The following IPO13 variants were observed in gnomAD, a reference collection of about 807,000 sequenced individuals.
The protein encoded by IPO13 is importin 13, also known as importin-13.
IPO13 carries 28 observed loss-of-function variants against 115.5 expected under a neutral mutation model. The ratio of observed to expected loss-of-function variants is 0.24; its 90% CI spans 0.18 to 0.33. IPO13 has a LOEUF of 0.33. Among genes scored for constraint, IPO13 ranks in the 10% least tolerant of loss-of-function variants. The probability of loss-of-function intolerance (pLI) is 1.00; values close to 1 mark genes in which losing one functional copy is unlikely to be tolerated. For missense variants in IPO13, 785 were observed against 1,204.6 expected, an observed-to-expected ratio of 0.65 and a Z score of 5.16; for synonymous variants, 414 against 478.9, an observed-to-expected ratio of 0.86 and a Z score of 1.77.
rs1264229667 is a variant in IPO13, at chr1:43,957,565, C to T, written c.1540+16C>T. ...TTCACCATTGGTGAGACCTGGCACA[C>T]ACCCATGACCATATTCCCAGAGCCA... On this transcript the variant is annotated intron_variant, in intron 7 of 19. Coordinates refer to ENST00000372343, the MANE Select transcript of IPO13 (RefSeq NM_014652.4). 1.9e-6 allele frequency: 3 copies of T among 1,613,366 alleles called. No homozygotes were observed. The African/African-American group carries it at 4.0e-5, about 22-fold the overall frequency.
Position 43,966,522 on chromosome 1 carries a change from G to T in IPO13, c.2398-53G>T. 2 of 1,577,154 alleles carry T rather than the reference G, an allele frequency of 1.3e-6. No homozygotes were observed. The highest frequency in any genetic ancestry group is 1.7e-6 in the Non-Finnish European group (2 of 1,146,906). ...GGCTGGGGTGGCAGGTGAGTGGGGG[G>T]GATGGTCCTTGGAGCTGGCTGGGGC... On this transcript the variant is annotated intron_variant, in intron 15 of 19. Transcript: ENST00000372343. The surrounding 1 kb of genome is among the most constrained non-coding windows in gnomAD (Gnocchi z 4.1).
rs2154302478 is a variant in IPO13 at position 43,966,617 on chromosome 1, G to C, written c.2440G>C (p.Asp814His). 6.2e-7 allele frequency: 1 copy of C among 1,614,212 alleles called. No homozygotes were observed. Among genetic ancestry groups the C allele is most frequent in the Non-Finnish European group, 8.5e-7 (1 of 1,180,016 alleles). ...KPDLFLCERL[D>H]VKAVFQCAVL... ...AGATTTGTTCCTGTGTGAACGATTG[G>C]ATGTCAAAGCTGTGTTCCAGTGTGG... The change falls in exon 16 of 20, where the codon GAT becomes CAT. Residue 814 changes from aspartate (D) to histidine (H), a missense_variant. Coordinates refer to ENST00000372343, the MANE Select transcript of IPO13 (RefSeq NM_014652.4). This position sits in a 1 kb window ranked among gnomAD's most constrained non-coding sequence, Gnocchi z 4.1.
At chr1:43,957,905 T>A in intron 7 of IPO13, 72 bp from the exon 8 acceptor site, 3 of 1,456,898 alleles carry the variant, frequency 2.1e-6, no homozygotes, top group Non-Finnish European at 2.9e-6. Flanking sequence ...GGAACTCTGC[T>A]TGCCTCAGAG....
chr1:43,967,465 C>T lies in IPO13; in HGVS notation c.2764C>T (p.Gln922Ter). 2 of 1,614,172 alleles carry T rather than the reference C, an allele frequency of 1.2e-6. No homozygotes were observed. The highest frequency in any genetic ancestry group is 1.7e-6 in the Non-Finnish European group (2 of 1,180,008). The change falls in exon 19 of 20, where the codon CAG becomes TAG. Residue 922 changes from glutamine to a stop codon, truncating the protein, a stop_gained. Coordinates refer to ENST00000372343, the MANE Select transcript of IPO13 (RefSeq NM_014652.4). LOFTEE classifies it high-confidence loss of function. The surrounding 1 kb of genome is among the most constrained non-coding windows in gnomAD (Gnocchi z 6.1). ...GFPSARLSPE[Q>*]KDTFSQQILR... ...CCCCTCTGCCCGCCTCAGCCCTGAA[C>T]AGAAGGATACCTTCAGCCAGCAGAT...
In IPO13 at chr1:43,956,659, G is replaced by A. The variant is rs200986311; in HGVS notation, c.1062G>A (p.Glu354=). 3.7e-6 allele frequency: 6 copies of A among 1,614,202 alleles called. No individual in the cohort carries two copies. Among genetic ancestry groups the A allele is most frequent in the Non-Finnish European group, 5.1e-6 (6 of 1,180,038 alleles). The change falls in exon 4 of 20, where the codon GAG becomes GAA. Residue 354 remains glutamate (E), a synonymous_variant. Coordinates refer to ENST00000372343, the MANE Select transcript of IPO13 (RefSeq NM_014652.4). This position sits in a 1 kb window ranked among gnomAD's most constrained non-coding sequence, Gnocchi z 4.7. The stretch of plus-strand genomic sequence containing the variant: ...TCCCTGGCCACTATCCTGTCAATGA[G>A]ACCACCAGCTCCCTAACCCTCACCT... The part of the protein sequence containing the change: ...TGIPGHYPVN[E]TTSSLTLTFW...
chr1:43,965,394 C>T (rs1480210482), intron 15 of IPO13, among the ~76,000 whole-genome samples: 1 of 151,946 alleles, frequency 6.6e-6, no homozygotes, highest in East Asian at 1.9e-4. Context: ...ACAGTTCTTG[C>T]TCTCCTGGAA....
chr1:43,953,255 A>G (rs2085221323), intron 2 of IPO13: 1 of 152,214 alleles, frequency 6.6e-6, no homozygotes, highest in African/African-American at 2.4e-5. Context: ...GCTCCGTGTG[A>G]GCAGCAGCAG....
Position 43,956,637 on chromosome 1 carries a change from C to G in IPO13, c.1040C>G (p.Pro347Arg). The G allele has an allele frequency of 6.2e-7, 1 of 1,614,220 alleles. No homozygotes were observed. Among genetic ancestry groups the G allele is most frequent in the South Asian group, 1.1e-5 (1 of 91,086 alleles). The stretch of plus-strand genomic sequence containing the variant: ...ATGATTATGTTCTGCACAGGCATCC[C>G]TGGCCACTATCCTGTCAATGAGACC... ...VNMIMFCTGI[P>R]GHYPVNETTS... Residue 347 changes from proline to arginine, a missense_variant, in exon 4 of 20, where the codon CCT becomes CGT. Pro to Arg is a moderately radical substitution (Grantham distance 103). Coordinates refer to ENST00000372343, the MANE Select transcript of IPO13 (RefSeq NM_014652.4). This position sits in a 1 kb window ranked among gnomAD's most constrained non-coding sequence, Gnocchi z 4.7.
intron 13 of IPO13, 74 bp downstream of exon 13, chr1:43,961,087 C>T (rs1316285617): frequency 1.2e-6 from 2 of 1,608,794 alleles, no homozygotes; most frequent in Non-Finnish European, 8.5e-7. Flanking sequence ...GGCTGGGGTC[C>T]CCACTTGCAT....
chr1:43,967,293 G>A lies in IPO13; in HGVS notation c.2614-22G>A. 6.2e-7 allele frequency: 1 copy of A among 1,607,718 alleles called. No individual in the cohort carries two copies. The highest frequency in any genetic ancestry group is 8.5e-7 in the Non-Finnish European group (1 of 1,175,294). On this transcript the variant is annotated intron_variant, in intron 18 of 19. Transcript: ENST00000372343. The surrounding 1 kb of genome is among the most constrained non-coding windows in gnomAD (Gnocchi z 6.1). ...GGCGGAAGGGGCAACACCCTGGTGTGCTGAGAACCCCTCTCCCTCAGGCCA... is the reference window on the plus strand; with the variant it reads ...GGCGGAAGGGGCAACACCCTGGTGTACTGAGAACCCCTCTCCCTCAGGCCA...
intron 1 of IPO13, among the ~76,000 whole-genome samples, chr1:43,948,270 T>G (rs2085181448): frequency 6.6e-6 from 1 of 152,130 alleles, no homozygotes. Flanking sequence ...TCCTCCCTAC[T>G]CGCCTGCCCA....
At chr1:43,954,306 G>T (rs2085229727) in intron 2 of IPO13, among the ~76,000 whole-genome samples, 1 of 152,196 alleles carries the variant, frequency 6.6e-6, no homozygotes, top group Admixed American at 6.5e-5. Context: ...ACCCCCTGGG[G>T]CTGTCTCTGG....
chr1:43,953,159 G>T (rs2085220798), intron 2 of IPO13: 1 of 152,230 alleles, frequency 6.6e-6, no homozygotes, highest in African/African-American at 2.4e-5. Context: ...GTGCCCATTG[G>T]CTGCAGCCCC....
chr1:43,956,361 G>T lies in IPO13; in HGVS notation c.863G>T (p.Gly288Val), dbSNP rs2085248296. Residue 288 changes from glycine to valine, a missense_variant, in exon 3 of 20, where the codon GGT (glycine) becomes GTT (valine). Physicochemically the swap from Gly to Val is moderately radical, Grantham distance 109. This residue lies in a region of IPO13 where 325 missense variants were observed against 449.8 expected (regional missense o/e 0.72). Coordinates refer to ENST00000372343, the MANE Select transcript of IPO13 (RefSeq NM_014652.4). The surrounding 1 kb of genome is among the most constrained non-coding windows in gnomAD (Gnocchi z 4.7). ...CTGAAACTCATCCCGCTGGTGCTGG[G>T]TCTGCAGGAACAACTGCGGCAGGCA... ...TLLKLIPLVLGLQEQLRQAVQ... is the reference protein window; with the variant it reads ...TLLKLIPLVLVLQEQLRQAVQ... 1 of 1,614,074 alleles carries T rather than the reference G, an allele frequency of 6.2e-7. No homozygotes were observed. Among genetic ancestry groups the T allele is most frequent in the Non-Finnish European group, 8.5e-7 (1 of 1,180,054 alleles).
Position 43,947,672 on chromosome 1 carries a change from G to A in IPO13, c.72G>A (p.Glu24=). 7.6e-7 allele frequency: 1 copy of A among 1,321,724 alleles called. No homozygotes were observed. Among genetic ancestry groups the A allele is most frequent in the Non-Finnish European group, 9.7e-7 (1 of 1,026,264 alleles). 81.9% of individuals were successfully genotyped at this position (1,321,724 alleles called of 1,614,324 possible). ...CACCAGCCTTGGACTTCACTGTGGA[G>A]AACGTGGAGAAGGTATGAGGGCTCT... ...GAAPALDFTV[E]NVEKALHQLY... The change falls in exon 1 of 20, where the codon GAG becomes GAA. Residue 24 remains glutamate, a synonymous_variant. Coordinates refer to ENST00000372343, the MANE Select transcript of IPO13 (RefSeq NM_014652.4).
intron 15 of IPO13, 39 bp downstream of exon 15, chr1:43,964,360 T>A: frequency 7.1e-7 from 1 of 1,412,306 alleles, no homozygotes. Context: ...CTGTTCTCTC[T>A]CTTTCTCTTT....
rs776645448 is a variant in IPO13, at chr1:43,949,562, T to C, written c.230T>C (p.Phe77Ser). The C allele has an allele frequency of 6.2e-7, 1 of 1,614,182 alleles. No individual in the cohort carries two copies. Among genetic ancestry groups the C allele is most frequent in the South Asian group, 1.1e-5 (1 of 91,082 alleles). Residue 77 changes from phenylalanine (F) to serine (S), a missense_variant, in exon 2 of 20, where the codon TTT (phenylalanine) becomes TCT (serine). Around this residue, in one of 3 missense-constraint regions of IPO13, gnomAD observed 325 missense variants for 449.8 expected, o/e 0.72. Coordinates refer to ENST00000372343, the MANE Select transcript of IPO13 (RefSeq NM_014652.4). ...QPDKVPEIQY[F>S]GASALHIKIS... ...GACAAGGTACCAGAGATCCAGTACTTTGGGGCCAGTGCTCTTCACATCAAG... is the reference window on the plus strand; with the variant it reads ...GACAAGGTACCAGAGATCCAGTACTCTGGGGCCAGTGCTCTTCACATCAAG...
In IPO13 at chr1:43,967,771, T is replaced by C; in HGVS notation, c.*89T>C. On this transcript the variant is annotated 3_prime_UTR_variant, in exon 20 of 20. Transcript: ENST00000372343. The surrounding 1 kb of genome is among the most constrained non-coding windows in gnomAD (Gnocchi z 6.1). ...GACCCTCACTGCTGTCTCTGCCTCC[T>C]TTCTGCTGTCACCACCACCTAACTG... The C allele has an allele frequency of 8.1e-7, 1 of 1,236,030 alleles. No individual in the cohort carries two copies. The highest frequency in any genetic ancestry group is 1.3e-5 in the South Asian group (1 of 79,280). 76.6% of individuals were successfully genotyped at this position (1,236,030 alleles called of 1,614,324 possible).
chr1:43,965,690 C>G (rs3791119), intron 15 of IPO13, among the ~76,000 whole-genome samples: 94,416 of 147,442 alleles, frequency 0.64, 32,878 homozygotes, highest in Non-Finnish European at 0.79. Context: ...TGTATGTTAG[C>G]GGTGTTAGAG....
Sources: gnomAD v4.1 joint callset for allele counts (sites outside exome capture counted in the v4.1 genomes callset) on GRCh38, gnomAD v4.1.1 for gene constraint, gnomAD v4.1.1 regional missense constraint, Gnocchi (gnomAD v3.1) non-coding constraint, MANE v1.5 for transcripts, NCBI Gene and HGNC (gene_info 2026-07-23, HGNC 2026-07-21) for gene names.